Variants in FUZ observed in about 807,000 individuals in gnomAD.
The protein encoded by FUZ is fuzzy planar cell polarity protein, also known as protein fuzzy homolog.
A neutral mutation model predicts 43.1 loss-of-function variants in FUZ; 31 were observed. The ratio of observed to expected loss-of-function variants is 0.72; its 90% CI spans 0.54 to 0.97. FUZ has a LOEUF of 0.97. Ranked by LOEUF, FUZ falls within the 50% of genes least tolerant of loss-of-function variation. The probability of loss-of-function intolerance (pLI) is 0.00; values close to 1 mark genes in which losing one functional copy is unlikely to be tolerated. For synonymous variants in FUZ, 274 were observed against 250.0 expected (o/e 1.10, Z -0.91); for missense variants, 539 against 543.8 (o/e 0.99, Z 0.09).
chr19:49,809,511 C>G lies in FUZ; in HGVS notation c.557G>C (p.Arg186Pro), dbSNP rs1265151040. ...CCAACCCTCTGTTGCTGCCACCACC[C>G]GGCCGGACACCACCAGACTGACGAA... ...TTFVSLVVSG[R>P]VVAATEGWWR... The change falls in exon 6 of 11, where the codon CGG becomes CCG. Residue 186 changes from arginine (R) to proline (P), a missense_variant. Physicochemically the swap from Arg to Pro is moderately radical, Grantham distance 103 (BLOSUM62 -2). Transcript: ENST00000313777. This position sits in a 1 kb window ranked among gnomAD's most constrained non-coding sequence, Gnocchi z 5.1. The G allele has an allele frequency of 1.1e-5, 18 of 1,597,290 alleles. No individual in the cohort carries two copies. In the African/African-American group the frequency reaches 2.3e-4, roughly 20 times the overall value.
In FUZ at chr19:49,813,177, G is replaced by C. The variant is rs1568612503; in HGVS notation, c.-71C>G. On this transcript the variant is annotated 5_prime_UTR_variant, in exon 1 of 11. Coordinates refer to ENST00000313777, the MANE Select transcript of FUZ (RefSeq NM_025129.5). ...GTCTTGGAGCATGGCGGTAATCAGA[G>C]TAACTCGGCCTGTGGTCCGGAGCCG... 1 of 1,369,380 alleles carries C rather than the reference G, an allele frequency of 7.3e-7. No individual in the cohort carries two copies. Among genetic ancestry groups the C allele is most frequent in the South Asian group, 1.2e-5 (1 of 80,468 alleles). The allele number at this position is 1,369,380 out of a possible 1,614,324, so 84.8% of individuals were successfully genotyped here. A position where few individuals can be genotyped will look rare whatever the true frequency, so the allele number is the denominator to read the frequency against.
At position 49,809,254 on chromosome 19, in the gene FUZ, G is replaced by A. The variant is rs1204990786; in HGVS notation, c.695C>T (p.Pro232Leu). 1.3e-6 allele frequency: 2 copies of A among 1,550,782 alleles called. No individual in the cohort carries two copies. Among genetic ancestry groups the A allele is most frequent in the Non-Finnish European group, 1.7e-6 (2 of 1,146,926 alleles). Residue 232 changes from proline to leucine, a missense_variant, in exon 7 of 11, where the codon CCA (proline) becomes CTA (leucine). Physicochemically the swap from Pro to Leu is moderately conservative, Grantham distance 98. Coordinates refer to ENST00000313777, the MANE Select transcript of FUZ (RefSeq NM_025129.5). This position sits in a 1 kb window ranked among gnomAD's most constrained non-coding sequence, Gnocchi z 5.1. ...CAGAGTCAGGGTCAGGAGCCGGTGT[G>A]GGACCTGAAGCAGGGCACAGGCTGG... The part of the protein sequence containing the change: ...VYLPHGSPTV[P>L]HRLLTLTLLP...
At chr19:49,808,282 A>T in intron 10 of FUZ, 132 bp downstream of exon 10, 1 of 932,730 alleles carries the variant, frequency 1.1e-6, no homozygotes. Context: ...TCTCAAGGAA[A>T]ACCACTGCCC....
intron 5 of FUZ, among the ~76,000 whole-genome samples, chr19:49,810,620 A>C (rs1315814008): frequency 6.7e-6 from 1 of 148,750 alleles, no homozygotes; most frequent in African/African-American, 2.5e-5. Context: ...CAGAGGTTGC[A>C]GTGAGCCAAG....
rs770626233 is a variant in FUZ, at chr19:49,811,392, C to T, written c.463G>A (p.Val155Met). ...AAGAGGGACCCCTCTGGAGGAATCA[C>T]GCAGTCCACACACTGGGTCAGGTCC... is the stretch of plus-strand genomic sequence containing the variant. ...IGDLTQCVDC[V>M]IPPEGSLLQE... The change falls in exon 5 of 11, where the codon GTG becomes ATG. Residue 155 changes from valine to methionine, a missense_variant. Val to Met is a conservative substitution (Grantham distance 21). Transcript: ENST00000313777. The T allele has an allele frequency of 5.0e-6, 8 of 1,612,298 alleles. No individual in the cohort carries two copies. Among genetic ancestry groups the T allele is most frequent in the South Asian group, 2.2e-5 (2 of 90,850 alleles).
chr19:49,812,095 G>A (rs373740682), intron 3 of FUZ, among the ~76,000 whole-genome samples, 156 bp downstream of exon 3: 3 of 152,178 alleles, frequency 2.0e-5, no homozygotes, highest in East Asian at 1.9e-4. Context: ...GCAACAGAGC[G>A]AGACTCCGTC....
At position 49,808,463 on chromosome 19, in the gene FUZ, G is replaced by A; in HGVS notation, c.984C>T (p.Arg328=). The A allele has an allele frequency of 6.2e-7, 1 of 1,612,490 alleles. No individual in the cohort carries two copies. Among genetic ancestry groups the A allele is most frequent in the Non-Finnish European group, 8.5e-7 (1 of 1,179,606 alleles). Reference sequence around the variant, plus strand: ...CCAGGGTATAGAAGTTTCGGAGGAGGCGCCGGCGCTGTTCTGGTGAAGGCT... The same window carrying A: ...CCAGGGTATAGAAGTTTCGGAGGAGACGCCGGCGCTGTTCTGGTGAAGGCT... The part of the protein sequence containing the change: ...DKEPSPEQRR[R]LLRNFYTLVT... Residue 328 remains arginine (R), a synonymous_variant, in exon 10 of 11, where the codon CGC becomes CGT. Transcript: ENST00000313777.
At position 49,809,250 on chromosome 19, in the gene FUZ, G is replaced by C; in HGVS notation, c.699C>G (p.His233Gln). 1 of 1,550,958 alleles carries C rather than the reference G, an allele frequency of 6.4e-7. No homozygotes were observed. Among genetic ancestry groups the C allele is most frequent in the Non-Finnish European group, 8.7e-7 (1 of 1,146,922 alleles). Residue 233 changes from histidine to glutamine, a missense_variant, in exon 7 of 11, where the codon CAC (histidine) becomes CAG (glutamine). His to Gln is a conservative substitution (Grantham distance 24, BLOSUM62 0). Transcript: ENST00000313777. The surrounding 1 kb of genome is among the most constrained non-coding windows in gnomAD (Gnocchi z 5.1). ...GCAGCAGAGTCAGGGTCAGGAGCCGGTGTGGGACCTGAAGCAGGGCACAGG... is the reference window on the plus strand; with the variant it reads ...GCAGCAGAGTCAGGGTCAGGAGCCGCTGTGGGACCTGAAGCAGGGCACAGG... Reference protein sequence around the residue: ...YLPHGSPTVPHRLLTLTLLPS... With the variant: ...YLPHGSPTVPQRLLTLTLLPS...
Position 49,809,823 on chromosome 19 carries a change from C to T in FUZ, c.493-248G>A. On this transcript the variant is annotated intron_variant, in intron 5 of 10. Coordinates refer to ENST00000313777, the MANE Select transcript of FUZ (RefSeq NM_025129.5). This position sits in a 1 kb window ranked among gnomAD's most constrained non-coding sequence, Gnocchi z 5.1. ...TCTAGCCTGGGCGGGCAAACTGAAGCTAATAATGTAACCGCAGCAGCTACC... is the reference window on the plus strand; with the variant it reads ...TCTAGCCTGGGCGGGCAAACTGAAGTTAATAATGTAACCGCAGCAGCTACC... 1 of 585,238 alleles carries T rather than the reference C, an allele frequency of 1.7e-6. No individual in the cohort carries two copies. Among genetic ancestry groups the T allele is most frequent in the South Asian group, 2.0e-5 (1 of 50,760 alleles). The allele number at this position is 585,238 out of a possible 1,614,324, so 36.3% of individuals were successfully genotyped here.
At position 49,811,393 on chromosome 19, in the gene FUZ, G is replaced by C. The variant is rs780228231; in HGVS notation, c.462C>G (p.Cys154Trp). Residue 154 changes from cysteine (C) to tryptophan (W), a missense_variant, in exon 5 of 11, where the codon TGC becomes TGG. Transcript: ENST00000313777. Reference protein sequence around the residue: ...LIGDLTQCVDCVIPPEGSLLQ... With the variant: ...LIGDLTQCVDWVIPPEGSLLQ... ...AGAGGGACCCCTCTGGAGGAATCAC[G>C]CAGTCCACACACTGGGTCAGGTCCC... 1 of 1,612,226 alleles carries C rather than the reference G, an allele frequency of 6.2e-7. No individual in the cohort carries two copies. The highest frequency in any genetic ancestry group is 1.3e-5 in the African/African-American group (1 of 74,860).
At chr19:49,812,122 A>G in intron 3 of FUZ, 129 bp downstream of exon 3, 1 of 758,042 alleles carries the variant, frequency 1.3e-6, no homozygotes, top group East Asian at 2.7e-5. Context: ...CAAAACAAAC[A>G]AACAAACAAA....
At chr19:49,812,882 C>G (rs1390806969) in intron 1 of FUZ, 114 bp downstream of exon 1, 1 of 1,337,932 alleles carries the variant, frequency 7.5e-7, no homozygotes. Flanking sequence ...GGTCCATTGC[C>G]TCCTCGGTCC....
At position 49,809,422 on chromosome 19, in the gene FUZ, T is replaced by C. The variant is rs746486620; in HGVS notation, c.646A>G (p.Thr216Ala). ...PWLVGSLPPQ[T>A]ARDYPVYLPH... Reference sequence around the variant, plus strand: ...AGGTACACCGGGTAGTCGCGAGCGGTCTGCGGCGGCAGGGACCCCACCAGC... The same window carrying C: ...AGGTACACCGGGTAGTCGCGAGCGGCCTGCGGCGGCAGGGACCCCACCAGC... Residue 216 changes from threonine (T) to alanine (A), a missense_variant, in exon 6 of 11, where the codon ACC (threonine) becomes GCC (alanine). Physicochemically the swap from Thr to Ala is moderately conservative, Grantham distance 58. Transcript: ENST00000313777. The surrounding 1 kb of genome is among the most constrained non-coding windows in gnomAD (Gnocchi z 5.1). 1.4e-5 allele frequency: 21 copies of C among 1,543,444 alleles called. No individual in the cohort carries two copies. Among genetic ancestry groups the C allele is most frequent in the Non-Finnish European group, 1.7e-5 (20 of 1,147,144 alleles).
Position 49,809,267 on chromosome 19 carries a change from G to A in FUZ, c.691-9C>T. On this transcript the variant is annotated splice_polypyrimidine_tract_variant and intron_variant, in intron 6 of 10. Transcript: ENST00000313777. The surrounding 1 kb of genome is among the most constrained non-coding windows in gnomAD (Gnocchi z 5.1). The stretch of plus-strand genomic sequence containing the variant: ...AGGAGCCGGTGTGGGACCTGAAGCA[G>A]GGCACAGGCTGGGGCTCATCGCGGC... The A allele has an allele frequency of 6.4e-7, 1 of 1,550,754 alleles. No individual in the cohort carries two copies. The highest frequency in any genetic ancestry group is 1.2e-5 in the South Asian group (1 of 84,060).
chr19:49,806,938 C>A lies in FUZ; in HGVS notation c.*213G>T. On this transcript the variant is annotated 3_prime_UTR_variant, in exon 11 of 11. Transcript: ENST00000313777. Reference sequence around the variant, plus strand: ...TTGTTCATCTGCTGCTGTTTACATTCTGGGGGGTTAGGGGGAGTCCCCCTC... The same window carrying A: ...TTGTTCATCTGCTGCTGTTTACATTATGGGGGGTTAGGGGGAGTCCCCCTC... 2 of 1,534,400 alleles carry A rather than the reference C, an allele frequency of 1.3e-6. No individual in the cohort carries two copies. The highest frequency in any genetic ancestry group is 4.9e-5 in the East Asian group (2 of 40,884).
chr19:49,810,678 CAA>C (rs34752826), intron 5 of FUZ, among the ~76,000 whole-genome samples: 1,318 of 90,442 alleles, frequency 0.015, 13 homozygotes, highest in African/African-American at 0.052. Context: ...GACTCTGTCT[CAA>C]AAAAAAAAAA....
intron 3 of FUZ, 26 bp from the exon 4 acceptor site, chr19:49,811,725 G>A: frequency 6.3e-7 from 1 of 1,586,296 alleles, no homozygotes; most frequent in Non-Finnish European, 8.7e-7. Context: ...AGGAGAGGAT[G>A]GGCGAGGGGC....
chr19:49,813,206 G>C lies in FUZ; in HGVS notation c.-100C>G, dbSNP rs1340079001. ...CTCGGCCTGTGGTCCGGAGCCGCCAGAGGGCGAGATGGGGAGCTGATTGGA... is the reference window on the plus strand; with the variant it reads ...CTCGGCCTGTGGTCCGGAGCCGCCACAGGGCGAGATGGGGAGCTGATTGGA... On this transcript the variant is annotated 5_prime_UTR_variant, in exon 1 of 11. Transcript: ENST00000313777. 1 of 1,077,880 alleles carries C rather than the reference G, an allele frequency of 9.3e-7. No individual in the cohort carries two copies. The highest frequency in any genetic ancestry group is 2.0e-5 in the Admixed American group (1 of 50,424). 66.8% of individuals were successfully genotyped at this position (1,077,880 alleles called of 1,614,324 possible). A position where few individuals can be genotyped will look rare whatever the true frequency, so the allele number is the denominator to read the frequency against.
Position 49,807,180 on chromosome 19 carries a change from T to G in FUZ, c.1228A>C (p.Thr410Pro). 1 of 1,612,508 alleles carries G rather than the reference T, an allele frequency of 6.2e-7. No individual in the cohort carries two copies. Among genetic ancestry groups the G allele is most frequent in the African/African-American group, 1.3e-5 (1 of 74,588 alleles). ...THGLRSLATHTLHALTPLL is the reference protein window; with the variant it reads ...THGLRSLATHPLHALTPLL ...AGAAGTGGGGTGAGGGCATGCAGAG[T>G]GTGGGTGGCCAGGCTTCGCAGCCCA... The change falls in exon 11 of 11, where the codon ACT becomes CCT. Residue 410 changes from threonine (T) to proline (P), a missense_variant. Coordinates refer to ENST00000313777, the MANE Select transcript of FUZ (RefSeq NM_025129.5).
Sources: allele counts gnomAD v4.1 joint callset (sites outside exome capture counted in the v4.1 genomes callset), GRCh38; gene constraint gnomAD v4.1.1; non-coding constraint Gnocchi (gnomAD v3.1); transcripts MANE v1.5; gene names NCBI Gene and HGNC (gene_info 2026-07-23, HGNC 2026-07-21).